Variants in ADGRL1 observed in about 807,000 individuals in gnomAD.
ADGRL1 encodes CIRL-1.
In ADGRL1, 31 loss-of-function variants were observed where a neutral mutation model predicts 148.9. That is an observed-to-expected ratio of 0.21 (90% confidence interval 0.16 to 0.28). The LOEUF is 0.28. Ranked by LOEUF, ADGRL1 falls within the 10% of genes least tolerant of loss-of-function variation. The pLI is 1.00. For missense variants in ADGRL1, 1,521 were observed against 2,058.8 expected, an observed-to-expected ratio of 0.74 and a Z score of 5.05; for synonymous variants, 937 against 900.3, an observed-to-expected ratio of 1.04 and a Z score of -0.73.
intron 1 of ADGRL1, chr19:14,191,050 C>T (rs1201057669): frequency 1.1e-5 from 5 of 437,070 alleles, no homozygotes; most frequent in South Asian, 6.3e-5. Context: ...ATCACGCCAC[C>T]GACTCTAGCC....
At chr19:14,166,377 T>C (rs1195670952) in intron 4 of ADGRL1, among the ~76,000 whole-genome samples, 4 of 151,974 alleles carry the variant, frequency 2.6e-5, no homozygotes, top group South Asian at 4.2e-4. Flanking sequence ...TGGTGCTCCA[T>C]GCTCCAAAAC....
chr19:14,173,996 TG>T (rs1458638232), intron 3 of ADGRL1, among the ~76,000 whole-genome samples: 2 of 126,892 alleles, frequency 1.6e-5, no homozygotes, highest in Non-Finnish European at 3.3e-5. Context: ...TGTGGAGCAG[TG>T]GGGGTTGGGG....
intron 2 of ADGRL1, among the ~76,000 whole-genome samples, chr19:14,178,142 TATAGAG>T (rs1277669134): frequency 6.6e-6 from 1 of 152,172 alleles, no homozygotes; most frequent in South Asian, 2.1e-4. Flanking sequence ...ATAAGGTCTT[TATAGAG>T]ATAAATTCAA....
Position 14,170,666 on chromosome 19 carries a change from G to C in ADGRL1, c.394+16C>G. On this transcript the variant is annotated intron_variant, in intron 4 of 22. Coordinates refer to ENST00000361434, the MANE Select transcript of ADGRL1 (RefSeq NM_014921.5). Reference sequence around the variant, plus strand: ...CGAGAAGGGCCCGCATCCGCACAAGGAACAAGATGACTCACTGTAGGGGAC... The same window carrying C: ...CGAGAAGGGCCCGCATCCGCACAAGCAACAAGATGACTCACTGTAGGGGAC... 6.6e-7 allele frequency: 1 copy of C among 1,514,230 alleles called. No homozygotes were observed. Among genetic ancestry groups the C allele is most frequent in the Non-Finnish European group, 9.2e-7 (1 of 1,091,012 alleles). 93.8% of individuals were successfully genotyped at this position (1,514,230 alleles called of 1,614,324 possible). A position where few individuals can be genotyped will look rare whatever the true frequency, so the allele number is the denominator to read the frequency against.
intron 1 of ADGRL1, among the ~76,000 whole-genome samples, chr19:14,204,578 T>G (rs1353448901): frequency 6.6e-6 from 1 of 151,906 alleles, no homozygotes; most frequent in African/African-American, 2.4e-5. Context: ...CGGCCCGGAA[T>G]AGACATTCAC....
At chr19:14,154,317 C>G (rs1188357871) in intron 18 of ADGRL1, among the ~76,000 whole-genome samples, 1 of 152,190 alleles carries the variant, frequency 6.6e-6, no homozygotes, top group Non-Finnish European at 1.5e-5. Context: ...CACCACTCCC[C>G]AAGTCCAACA....
chr19:14,151,479 G>A lies in ADGRL1; in HGVS notation c.3804C>T (p.Asn1268=). ...TCTCAAAGGCCGCCGCATCGGCTAG[G>A]TTCCGGCCTCGGGGCGGCTCAGGGC... ...DGGPEPPRGR[N]LADAAAFEKM... The change falls in exon 23 of 23, where the codon AAC becomes AAT. Residue 1268 remains asparagine (N), a synonymous_variant. Transcript: ENST00000361434. 1.9e-6 allele frequency: 3 copies of A among 1,612,522 alleles called. No individual in the cohort carries two copies. The highest frequency in any genetic ancestry group is 2.5e-6 in the Non-Finnish European group (3 of 1,179,504).
chr19:14,158,441 G>A lies in ADGRL1; in HGVS notation c.2261C>T (p.Ala754Val). 4 of 1,613,780 alleles carry A rather than the reference G, an allele frequency of 2.5e-6. No individual in the cohort carries two copies. Among genetic ancestry groups the A allele is most frequent in the East Asian group, 2.2e-5 (1 of 44,882 alleles). ...GEAGPGGPGG[A>V]SLVVNSQVIA... ...GACCTGTGAGTTCACCACTAGAGAGGCGCCCCCAGGGCCACCCGGGCCTGC... is the reference window on the plus strand; with the variant it reads ...GACCTGTGAGTTCACCACTAGAGAGACGCCCCCAGGGCCACCCGGGCCTGC... The change falls in exon 12 of 23, where the codon GCC (alanine) becomes GTC (valine). Residue 754 changes from alanine to valine, a missense_variant. Physicochemically the swap from Ala to Val is moderately conservative, Grantham distance 64 (BLOSUM62 0). Coordinates refer to ENST00000361434, the MANE Select transcript of ADGRL1 (RefSeq NM_014921.5).
chr19:14,174,838 T>G (rs1970708846), intron 3 of ADGRL1, among the ~76,000 whole-genome samples: 1 of 77,138 alleles, frequency 1.3e-5, no homozygotes, highest in Non-Finnish European at 2.5e-5. Context: ...ACCTGGTCTG[T>G]TTTTTTTTTT....
chr19:14,158,894 G>A (rs892213043), intron 11 of ADGRL1, among the ~76,000 whole-genome samples, 196 bp downstream of exon 11: 9 of 152,242 alleles, frequency 5.9e-5, no homozygotes, highest in African/African-American at 1.9e-4. Flanking sequence ...AGGCCCAGGA[G>A]CCAGCTTTGC....
Position 14,156,340 on chromosome 19 carries a change from G to A in ADGRL1, c.3034-139C>T, listed in dbSNP as rs1968743939. On this transcript the variant is annotated intron_variant, in intron 16 of 22. Coordinates refer to ENST00000361434, the MANE Select transcript of ADGRL1 (RefSeq NM_014921.5). ...GGAGAACCCCGTACCTGCCCCTGAG[G>A]TGCCCGCTGTGCAGCGGTGAGCTGA... The A allele has an allele frequency of 2.7e-5, 19 of 695,754 alleles. No homozygotes were observed. In the Admixed American group the frequency reaches 3.5e-4, roughly 13 times the overall value. The allele number at this position is 695,754 out of a possible 1,614,324, so 43.1% of individuals were successfully genotyped here.
intron 1 of ADGRL1, among the ~76,000 whole-genome samples, chr19:14,197,583 C>G (rs1176645538): frequency 6.6e-6 from 1 of 152,218 alleles, no homozygotes; most frequent in African/African-American, 2.4e-5. Context: ...CTGTCTCTCT[C>G]TCACACACAG....
chr19:14,198,677 C>T (rs12982439), intron 1 of ADGRL1, among the ~76,000 whole-genome samples: 25,146 of 151,990 alleles, frequency 0.17, 2,447 homozygotes, highest in Non-Finnish European at 0.22. Flanking sequence ...CTTCTCTCCA[C>T]ATGCAGTTGT....
chr19:14,184,642 A>ATTAT (rs1555790735), intron 1 of ADGRL1, among the ~76,000 whole-genome samples: 15 of 107,872 alleles, frequency 1.4e-4, no homozygotes, highest in Admixed American at 1.8e-4. Context: ...TTATTTATTT[A>ATTAT]TTTATTTTTT....
Position 14,160,356 on chromosome 19 carries a change from TCCCCGGCTTC to T in ADGRL1, c.1615-69_1615-60del. 6.8e-7 allele frequency: 1 copy of T among 1,473,534 alleles called. No homozygotes were observed. The highest frequency in any genetic ancestry group is 9.2e-7 in the Non-Finnish European group (1 of 1,082,642). The allele number at this position is 1,473,534 out of a possible 1,614,324, so 91.3% of individuals were successfully genotyped here. On this transcript the variant is annotated intron_variant, in intron 7 of 22. Transcript: ENST00000361434. This position sits in a 1 kb window ranked among gnomAD's most constrained non-coding sequence, Gnocchi z 5.9. ...AGGACTGTCAGGGACCATCCTGCCC[TCCCCGGCTTC>T]CCTGGCCTGTGCAGCCTCTCCTATC... is the stretch of plus-strand genomic sequence containing the variant.
At chr19:14,166,869 G>T in intron 4 of ADGRL1, 1 of 812,798 alleles carries the variant, frequency 1.2e-6, no homozygotes, top group Non-Finnish European at 2.1e-6. Flanking sequence ...GGTCCCACTG[G>T]GAGGACAACC....
At position 14,177,542 on chromosome 19, in the gene ADGRL1, G is replaced by A. The variant is rs1970907087; in HGVS notation, c.273C>T (p.Ile91=). The part of the protein sequence containing the change: ...VQCYLPDAFK[I]MSQRCNNRTQ... The stretch of plus-strand genomic sequence containing the variant: ...GAGAGCCCACTCACCTCTGTGACAT[G>A]ATCTTGAAGGCGTCCGGCAGGTAGC... Residue 91 remains isoleucine, a synonymous_variant, in exon 3 of 23, where the codon ATC becomes ATT. Transcript: ENST00000361434. 6.2e-7 allele frequency: 1 copy of A among 1,614,032 alleles called. No homozygotes were observed. Among genetic ancestry groups the A allele is most frequent in the Non-Finnish European group, 8.5e-7 (1 of 1,180,008 alleles).
Position 14,150,636 on chromosome 19 carries a change from C to T in ADGRL1, c.*237G>A, listed in dbSNP as rs572958668. ...GGGTCCTCTGGGCTCCTCCTCACTA[C>T]ACTTCCCCCAAATAGAGCTGGTGCG... On this transcript the variant is annotated 3_prime_UTR_variant, in exon 23 of 23. Coordinates refer to ENST00000361434, the MANE Select transcript of ADGRL1 (RefSeq NM_014921.5). 1.6e-5 allele frequency: 9 copies of T among 561,208 alleles called. No homozygotes were observed. The highest frequency in any genetic ancestry group is 3.5e-5 in the Admixed American group (1 of 28,660). 34.8% of individuals were successfully genotyped at this position (561,208 alleles called of 1,614,324 possible).
At chr19:14,170,855 C>T in intron 3 of ADGRL1, 64 bp from the exon 4 acceptor site, 3 of 811,526 alleles carry the variant, frequency 3.7e-6, no homozygotes, top group South Asian at 2.9e-5. Context: ...GGTGGGGGTG[C>T]ATGCTCCAGG....
Sources: gnomAD v4.1 joint callset for allele counts (sites outside exome capture counted in the v4.1 genomes callset) on GRCh38, gnomAD v4.1.1 for gene constraint, Gnocchi (gnomAD v3.1) non-coding constraint, MANE v1.5 for transcripts, NCBI Gene and HGNC (gene_info 2026-07-23, HGNC 2026-07-21) for gene names.